The following SPAG1 variants were observed in gnomAD, a reference collection of about 807,000 sequenced individuals.
The protein encoded by SPAG1 is sperm-associated antigen 1.
A neutral mutation model predicts 100.5 loss-of-function variants in SPAG1; 69 were observed. The ratio of observed to expected loss-of-function variants is 0.69; its 90% confidence interval spans 0.57 to 0.84. The LOEUF (loss-of-function observed/expected upper bound fraction) is 0.84. SPAG1 is among the 40% of genes least tolerant of loss of function. The pLI is 0.00. For synonymous variants in SPAG1, 336 were observed against 411.6 expected, an observed-to-expected ratio of 0.82 and a Z score of 2.22; for missense variants, 955 against 1,133.1, an observed-to-expected ratio of 0.84 and a Z score of 2.26.
intron 14 of SPAG1, among the ~76,000 whole-genome samples, chr8:100,227,567 A>G (rs1489664124): frequency 1.3e-5 from 2 of 152,220 alleles, no homozygotes; most frequent in African/African-American, 4.8e-5. Flanking sequence ...GGCCTGACAC[A>G]AAGCATTTGT....
intron 10 of SPAG1, among the ~76,000 whole-genome samples, chr8:100,209,649 T>C (rs1488510130): frequency 1.3e-5 from 2 of 152,074 alleles, no homozygotes; most frequent in Non-Finnish European, 1.5e-5. Context: ...GATTACAGGA[T>C]ATATTTCCAT....
chr8:100,234,007 G>A (rs910040550), intron 16 of SPAG1, among the ~76,000 whole-genome samples: 3 of 152,174 alleles, frequency 2.0e-5, no homozygotes, highest in Non-Finnish European at 4.4e-5. Flanking sequence ...CCAGCTGATG[G>A]TCAGTGTAAA....
At chr8:100,162,954 T>TA (rs1367747036) in intron 2 of SPAG1, among the ~76,000 whole-genome samples, 2 of 150,764 alleles carry the variant, frequency 1.3e-5, no homozygotes, top group African/African-American at 4.9e-5. Context: ...TCTCAAAAAA[T>TA]AAAAAAATAA....
rs7839147 is a variant in SPAG1, at chr8:100,231,119, A to G, written c.1856-37A>G. Reference sequence around the variant, plus strand: ...CTTAAGATTTTATAGAGGTGCTTGTACAGATACTTCCTCTTCTTTGTTTTT... The same window carrying G: ...CTTAAGATTTTATAGAGGTGCTTGTGCAGATACTTCCTCTTCTTTGTTTTT... On this transcript the variant is annotated intron_variant, in intron 14 of 18. Coordinates refer to ENST00000388798, the MANE Select transcript of SPAG1 (RefSeq NM_003114.5). 37,726 of 1,574,370 alleles carry G rather than the reference A, an allele frequency of 0.024. 4,642 individuals carry two copies. The African/African-American group carries it at 0.33, about 14-fold the overall frequency.
At position 100,220,339 on chromosome 8, in the gene SPAG1, A is replaced by C. The variant is rs752804614; in HGVS notation, c.1596A>C (p.Glu532Asp). The C allele has an allele frequency of 1.9e-6, 3 of 1,614,108 alleles. No homozygotes were observed. In the South Asian group the frequency reaches 3.3e-5, roughly 18 times the overall value. ...KPLLRRAMAY[E>D]TLEQYGKAYV... The stretch of plus-strand genomic sequence containing the variant: ...TTCTGAGGCGGGCGATGGCCTATGA[A>C]ACTCTAGAGCAGTATGGGAAAGCTT... Residue 532 changes from glutamate (E) to aspartate (D), a missense_variant, in exon 13 of 19, where the codon GAA becomes GAC. Physicochemically the swap from Glu to Asp is conservative, Grantham distance 45. Transcript: ENST00000388798.
At chr8:100,234,206 A>G (rs1377686449) in intron 16 of SPAG1, among the ~76,000 whole-genome samples, 3 of 152,222 alleles carry the variant, frequency 2.0e-5, no homozygotes, top group Non-Finnish European at 2.9e-5. Context: ...ACTTCCTGAA[A>G]TAATTTTTTA....
At chr8:100,206,860 G>A (rs1274895142) in intron 10 of SPAG1, among the ~76,000 whole-genome samples, 1 of 152,232 alleles carries the variant, frequency 6.6e-6, no homozygotes, top group Non-Finnish European at 1.5e-5. Context: ...CAGAACAGGA[G>A]AAGGCTCTGC....
chr8:100,240,699 T>A lies in SPAG1; in HGVS notation c.2577T>A (p.Asn859Lys). ...TFLLLIQSLK[N>K]NLIEKDPSLV... ...TTCTCCTCATTCAGTCTCTGAAAAATAATCTTATTGAAAAAGATCCCTCAT... is the reference window on the plus strand; with the variant it reads ...TTCTCCTCATTCAGTCTCTGAAAAAAAATCTTATTGAAAAAGATCCCTCAT... The change falls in exon 18 of 19, where the codon AAT becomes AAA. Residue 859 changes from asparagine to lysine, a missense_variant. Transcript: ENST00000388798. 6.2e-7 allele frequency: 1 copy of A among 1,613,836 alleles called. No individual in the cohort carries two copies. Among genetic ancestry groups the A allele is most frequent in the Middle Eastern group, 1.7e-4 (1 of 6,060 alleles).
intron 3 of SPAG1, among the ~76,000 whole-genome samples, chr8:100,174,892 T>G (rs1816035300): frequency 6.6e-6 from 1 of 152,172 alleles, no homozygotes. Flanking sequence ...TTTCCTTGAT[T>G]TACTCTATTG....
Position 100,213,918 on chromosome 8 carries a change from G to T in SPAG1, c.1535G>T (p.Arg512Met). The change falls in exon 12 of 19, where the codon AGG becomes ATG. Residue 512 changes from arginine (R) to methionine (M), a missense_variant and splice_region_variant. Arg to Met is a moderately conservative substitution (Grantham distance 91). Coordinates refer to ENST00000388798, the MANE Select transcript of SPAG1 (RefSeq NM_003114.5). ...NCSGCIQDCN[R>M]ALELHPFSMK... ...AGTGGCTGCATTCAAGATTGTAACA[G>T]GTAAACTGCACGTTTTCAGGTTTGT... The T allele has an allele frequency of 6.5e-7, 1 of 1,539,242 alleles. No individual in the cohort carries two copies. Among genetic ancestry groups the T allele is most frequent in the African/African-American group, 1.4e-5 (1 of 73,482 alleles).
At chr8:100,228,731 T>A (rs766545040) in intron 14 of SPAG1, among the ~76,000 whole-genome samples, 47 of 151,854 alleles carry the variant, frequency 3.1e-4, no homozygotes, top group Non-Finnish European at 6.2e-4. Context: ...ATAATAATAA[T>A]AAAATAATAA....
At chr8:100,200,455 T>G (rs1052152451) in intron 10 of SPAG1, among the ~76,000 whole-genome samples, 9 of 152,272 alleles carry the variant, frequency 5.9e-5, no homozygotes, top group African/African-American at 1.7e-4. Flanking sequence ...CCTTTGAGTA[T>G]ATCCCCAGTA....
At chr8:100,223,580 C>CT (rs34674281) in intron 13 of SPAG1, among the ~76,000 whole-genome samples, 124 of 143,300 alleles carry the variant, frequency 8.7e-4, no homozygotes, top group African/African-American at 9.5e-4. Flanking sequence ...ACAGCAGAAG[C>CT]TTTTTTTTTT....
chr8:100,240,827 T>G (rs1423787264), intron 18 of SPAG1, 56 bp downstream of exon 18: 1 of 1,568,714 alleles, frequency 6.4e-7, no homozygotes. Context: ...TTTCTGTAAC[T>G]TAAAAATGTT....
At chr8:100,215,990 T>G (rs1817970081) in intron 12 of SPAG1, among the ~76,000 whole-genome samples, 1 of 152,252 alleles carries the variant, frequency 6.6e-6, no homozygotes, top group Admixed American at 6.5e-5. Context: ...TTGTGCTGGC[T>G]CACACTCGCT....
At chr8:100,189,337 C>T (rs1206174006) in intron 8 of SPAG1, among the ~76,000 whole-genome samples, 1 of 152,056 alleles carries the variant, frequency 6.6e-6, no homozygotes, top group African/African-American at 2.4e-5. Context: ...ATTAGCTGGG[C>T]ATGGTGGCAG....
At chr8:100,219,204 G>C (rs1446915235) in intron 12 of SPAG1, among the ~76,000 whole-genome samples, 1 of 152,178 alleles carries the variant, frequency 6.6e-6, no homozygotes, top group Non-Finnish European at 1.5e-5. Context: ...GACAGGAATA[G>C]ACAGCAGATT....
intron 1 of SPAG1, among the ~76,000 whole-genome samples, chr8:100,161,691 G>T (rs1379866799): frequency 6.6e-6 from 1 of 152,168 alleles, no homozygotes; most frequent in Non-Finnish European, 1.5e-5. Flanking sequence ...CTGTGATTTA[G>T]CAGGAGACAA....
chr8:100,216,931 C>CTTTTTTTT (rs141365826), intron 12 of SPAG1, among the ~76,000 whole-genome samples: 16 of 84,152 alleles, frequency 1.9e-4, no homozygotes, highest in Non-Finnish European at 2.1e-4. Flanking sequence ...TCCATGAGTT[C>CTTTTTTTT]TTTTTTTTTT....
Sources: gnomAD v4.1 joint callset for allele counts (sites outside exome capture counted in the v4.1 genomes callset) on GRCh38, gnomAD v4.1.1 for gene constraint, MANE v1.5 for transcripts, NCBI Gene and HGNC (gene_info 2026-07-23, HGNC 2026-07-21) for gene names.